The following ANO10 variants were observed in gnomAD, a reference collection of about 807,000 sequenced individuals.
ANO10 encodes anoctamin 10.
A neutral mutation model predicts 74.7 loss-of-function variants in ANO10; 77 were observed. The observed-to-expected ratio is 1.03, with a 90% CI of 0.86 to 1.25. The LOEUF (loss-of-function observed/expected upper bound fraction) is 1.25, where lower values mean the gene tolerates loss of function less well. Ranked by LOEUF, ANO10 falls within the 50% of genes most tolerant of loss-of-function variation. ANO10 has a pLI of 0.00. For missense variants in ANO10, 721 were observed against 778.1 expected (o/e 0.93, Z 0.87); for synonymous variants, 279 against 284.9 (o/e 0.98, Z 0.21).
intron 11 of ANO10, among the ~76,000 whole-genome samples, chr3:43,493,042 G>A (rs1432931940): frequency 2.0e-5 from 3 of 152,122 alleles, no homozygotes; most frequent in Non-Finnish European, 2.9e-5. Context: ...CAACCCAAAT[G>A]TCCATCAATG....
chr3:43,519,708 G>C (rs1423498200), intron 11 of ANO10, among the ~76,000 whole-genome samples: 1 of 152,110 alleles, frequency 6.6e-6, no homozygotes, highest in Admixed American at 6.6e-5. Context: ...GCAGACCAGA[G>C]ATCAGGAGAG....
chr3:43,438,788 T>G (rs1319251843), intron 11 of ANO10, among the ~76,000 whole-genome samples: 2 of 150,918 alleles, frequency 1.3e-5, no homozygotes, highest in African/African-American at 4.9e-5. Context: ...AACAGCAGAT[T>G]TGAACAAGCA....
At chr3:43,419,349 C>T (rs1403161698) in intron 12 of ANO10, among the ~76,000 whole-genome samples, 1 of 152,150 alleles carries the variant, frequency 6.6e-6, no homozygotes, top group African/African-American at 2.4e-5. Context: ...TGTAGAACAT[C>T]GTAGAAGCTG....
intron 11 of ANO10, among the ~76,000 whole-genome samples, chr3:43,464,282 C>G (rs2075517838): frequency 6.6e-6 from 1 of 152,154 alleles, no homozygotes; most frequent in Non-Finnish European, 1.5e-5. Context: ...ACACCACAGA[C>G]CAATATCTCT....
intron 7 of ANO10, among the ~76,000 whole-genome samples, chr3:43,574,483 C>G (rs1034549038): frequency 6.6e-6 from 1 of 152,116 alleles, no homozygotes; most frequent in African/African-American, 2.4e-5. Context: ...GTTGGCCAGG[C>G]TGGTCTCGAA....
chr3:43,426,028 C>T (rs958010099), intron 12 of ANO10, among the ~76,000 whole-genome samples: 1 of 152,168 alleles, frequency 6.6e-6, no homozygotes, highest in Non-Finnish European at 1.5e-5. Flanking sequence ...CTTCTACTGC[C>T]TCCAGGTCTT....
intron 12 of ANO10, chr3:43,372,622 C>G (rs1162420401): frequency 2.0e-6 from 1 of 497,640 alleles, no homozygotes; most frequent in Non-Finnish European, 3.6e-6. Flanking sequence ...TCCTCCTCCC[C>G]CGTCACCATC....
intron 1 of ANO10, chr3:43,690,808 G>C (rs936542700): frequency 2.1e-6 from 1 of 484,820 alleles, no homozygotes; most frequent in East Asian, 3.7e-5. Context: ...TGGGGATGGC[G>C]GACGCAAAGC....
At chr3:43,648,762 C>T (rs542553952) in intron 1 of ANO10, among the ~76,000 whole-genome samples, 100 of 151,144 alleles carry the variant, frequency 6.6e-4, no homozygotes, top group Non-Finnish European at 1.1e-3. Flanking sequence ...CTGCAAGCTC[C>T]GCTTCCCGGG....
intron 1 of ANO10, among the ~76,000 whole-genome samples, chr3:43,607,595 A>G (rs1009145679): frequency 3.3e-5 from 5 of 152,206 alleles, no homozygotes; most frequent in Admixed American, 2.6e-4. Flanking sequence ...ATAATAGTGA[A>G]GGAGAATTAG....
chr3:43,388,917 G>C (rs905234500), intron 12 of ANO10, among the ~76,000 whole-genome samples: 11 of 152,188 alleles, frequency 7.2e-5, no homozygotes, highest in African/African-American at 2.7e-4. Context: ...TAAAGTTGCA[G>C]CTGTACTATA....
chr3:43,594,040 C>A (rs1052146817), intron 4 of ANO10, among the ~76,000 whole-genome samples: 1 of 152,198 alleles, frequency 6.6e-6, no homozygotes, highest in African/African-American at 2.4e-5. Flanking sequence ...GTAAAGGGAT[C>A]AATTCAACAA....
intron 11 of ANO10, among the ~76,000 whole-genome samples, chr3:43,536,558 A>C (rs1239605157): frequency 6.6e-6 from 1 of 152,204 alleles, no homozygotes; most frequent in African/African-American, 2.4e-5. Flanking sequence ...TCCTCTCATC[A>C]GCAAAACAAT....
At chr3:43,481,917 CTTTT>C (rs202113435) in intron 11 of ANO10, among the ~76,000 whole-genome samples, 10 of 135,984 alleles carry the variant, frequency 7.4e-5, no homozygotes, top group East Asian at 2.3e-4. Flanking sequence ...TGTCTTTTTT[CTTTT>C]TTTTTCTTTT....
intron 11 of ANO10, among the ~76,000 whole-genome samples, chr3:43,527,872 T>C (rs970147426): frequency 6.6e-6 from 1 of 152,052 alleles, no homozygotes; most frequent in Non-Finnish European, 1.5e-5. Context: ...TGCTTGAAAA[T>C]GCACAGAATC....
chr3:43,372,730 G>C, intron 12 of ANO10: 1 of 894,472 alleles, frequency 1.1e-6, no homozygotes, highest in Non-Finnish European at 1.8e-6. Flanking sequence ...TATCCTACCT[G>C]GTATGTGGTC....
chr3:43,680,571 A>T (rs1437388096), intron 1 of ANO10, among the ~76,000 whole-genome samples: 1 of 152,198 alleles, frequency 6.6e-6, no homozygotes, highest in African/African-American at 2.4e-5. Context: ...AAATTCAGGA[A>T]ATACAGAGAC....
intron 11 of ANO10, among the ~76,000 whole-genome samples, chr3:43,536,063 G>A (rs1396192615): frequency 3.3e-5 from 5 of 152,080 alleles, no homozygotes; most frequent in Non-Finnish European, 2.9e-5. Flanking sequence ...TTTTAAAAAC[G>A]CTTCTTCAGC....
In ANO10 at chr3:43,432,769, C is replaced by A. The variant is rs1349541643; in HGVS notation, c.1798-42G>T. 4.9e-6 allele frequency: 6 copies of A among 1,217,942 alleles called. No homozygotes were observed. The South Asian group carries it at 6.0e-5, about 12-fold the overall frequency. The allele number at this position is 1,217,942 out of a possible 1,614,324, so 75.4% of individuals were successfully genotyped here. On this transcript the variant is annotated intron_variant, in intron 11 of 12. Transcript: ENST00000292246. ...GTACATGTTGATGTGATACATCAGA[C>A]CATATATGCAAGGAAATAAATTGAT...
Sources: gnomAD v4.1 joint callset for allele counts (sites outside exome capture counted in the v4.1 genomes callset) on GRCh38, gnomAD v4.1.1 for gene constraint, MANE v1.5 for transcripts, NCBI Gene and HGNC (gene_info 2026-07-23, HGNC 2026-07-21) for gene names.